Variants in ADAM9 observed in about 807,000 individuals in gnomAD.
The protein encoded by ADAM9 is disintegrin and metalloproteinase domain-containing protein 9.
A neutral mutation model predicts 108.1 loss-of-function variants in ADAM9; 54 were observed. That is an observed-to-expected ratio of 0.50 (90% CI 0.40 to 0.63). The LOEUF (loss-of-function observed/expected upper bound fraction) is 0.63, where lower values mean the gene tolerates loss of function less well. ADAM9 is among the 20% of genes least tolerant of loss of function. The pLI, the probability that ADAM9 is intolerant of heterozygous loss-of-function variation, is 0.00. For missense variants in ADAM9, 830 were observed against 997.7 expected (o/e 0.83, Z 2.26); for synonymous variants, 316 against 336.0 (o/e 0.94, Z 0.65).
chr8:39,081,278 T>G (rs1839017161), intron 16 of ADAM9, among the ~76,000 whole-genome samples: 1 of 152,172 alleles, frequency 6.6e-6, no homozygotes, highest in Non-Finnish European at 1.5e-5. Flanking sequence ...GGTGTATTCC[T>G]TTCAGTTTGA....
At chr8:39,022,025 A>C (rs1222812801) in intron 8 of ADAM9, among the ~76,000 whole-genome samples, 1 of 151,564 alleles carries the variant, frequency 6.6e-6, no homozygotes, top group Non-Finnish European at 1.5e-5. Flanking sequence ...TATTTTGAAT[A>C]AGGCTGCCTT....
chr8:39,051,828 T>G (rs369259476), intron 12 of ADAM9, among the ~76,000 whole-genome samples: 1 of 152,226 alleles, frequency 6.6e-6, no homozygotes, highest in Non-Finnish European at 1.5e-5. Context: ...GGATTTACTA[T>G]GATTTATTTA....
chr8:39,011,188 GA>G (rs1210476650), intron 2 of ADAM9, among the ~76,000 whole-genome samples: 4 of 152,048 alleles, frequency 2.6e-5, no homozygotes, highest in African/African-American at 9.7e-5. Flanking sequence ...TAATGTGAGG[GA>G]AAAAAGCATG....
intron 11 of ADAM9, among the ~76,000 whole-genome samples, chr8:39,036,548 C>T (rs10441608): frequency 0.42 from 63,966 of 151,820 alleles, 14,215 homozygotes; most frequent in East Asian, 0.72. Flanking sequence ...TTGGGAAAAT[C>T]ACCTAGATGT....
intron 3 of ADAM9, 133 bp downstream of exon 3, chr8:39,011,849 T>C: frequency 1.2e-6 from 1 of 833,154 alleles, no homozygotes; most frequent in Non-Finnish European, 2.0e-6. Context: ...ATATTGGTGC[T>C]GCACAGTGGC....
At position 39,083,086 on chromosome 8, in the gene ADAM9, G is replaced by T; in HGVS notation, c.2068+13G>T. 1 of 1,608,360 alleles carries T rather than the reference G, an allele frequency of 6.2e-7. No individual in the cohort carries two copies. The highest frequency in any genetic ancestry group is 1.7e-5 in the Admixed American group (1 of 59,970). On this transcript the variant is annotated intron_variant, in intron 18 of 21. Coordinates refer to ENST00000487273, the MANE Select transcript of ADAM9 (RefSeq NM_003816.3). ...CCTACATACAATGGCAAGTAATATA[G>T]AAGAAAATTAGTGTGATCTCCCAGT... is the stretch of plus-strand genomic sequence containing the variant.
intron 14 of ADAM9, among the ~76,000 whole-genome samples, chr8:39,066,789 C>A (rs1248252998): frequency 6.6e-6 from 1 of 152,122 alleles, no homozygotes; most frequent in African/African-American, 2.4e-5. Context: ...GCTTTTGTTG[C>A]CATTGCTTTT....
At position 39,017,396 on chromosome 8, in the gene ADAM9, C is replaced by A; in HGVS notation, c.588C>A (p.Ser196Arg). The change falls in exon 6 of 22, where the codon AGC becomes AGA. Residue 196 changes from serine (S) to arginine (R), a missense_variant. Transcript: ENST00000487273. ...AGGATGAAGAGGAAGAGCCTCCCAG[C>A]ATGACTCAGCTACTTCGAGTAAGGA... is the stretch of plus-strand genomic sequence containing the variant. ...TAKDEEEEPP[S>R]MTQLLRRRRA... 2 of 1,614,018 alleles carry A rather than the reference C, an allele frequency of 1.2e-6. No homozygotes were observed. Among genetic ancestry groups the A allele is most frequent in the Non-Finnish European group, 1.7e-6 (2 of 1,179,952 alleles).
chr8:39,083,271 T>C (rs1322599757), intron 18 of ADAM9, among the ~76,000 whole-genome samples, 198 bp downstream of exon 18: 1 of 152,220 alleles, frequency 6.6e-6, no homozygotes, highest in Admixed American at 6.5e-5. Flanking sequence ...ACATACATCA[T>C]AGCCTCTTAT....
rs187143292 is a variant in ADAM9, at chr8:39,080,863, C to T, written c.1882-1778C>T. Among the ~76,000 whole-genome samples, 65 of 150,536 alleles carry T rather than the reference C, an allele frequency of 4.3e-4. 2 individuals are homozygous for T. The highest frequency in any genetic ancestry group is 3.7e-3 in the Admixed American group (56 of 15,118). On this transcript the variant is annotated intron_variant, in intron 16 of 21. Coordinates refer to ENST00000487273, the MANE Select transcript of ADAM9 (RefSeq NM_003816.3). ...ATAGTCAAGTTTGCTCTACTTGCTG[C>T]GTGGTGGTTGTTGGTGGTGGCCATG...
chr8:39,087,521 A>G (rs1839213667), intron 18 of ADAM9, among the ~76,000 whole-genome samples: 1 of 152,236 alleles, frequency 6.6e-6, no homozygotes, highest in Non-Finnish European at 1.5e-5. Flanking sequence ...CTCACTGTTA[A>G]CATTGTAGTG....
intron 15 of ADAM9, 39 bp from the exon 16 acceptor site, chr8:39,077,189 G>A (rs753578483): frequency 6.2e-7 from 1 of 1,606,894 alleles, no homozygotes. Flanking sequence ...TATGTATACT[G>A]GATGCATTTT....
chr8:39,062,745 G>A (rs1329095448), intron 14 of ADAM9, among the ~76,000 whole-genome samples: 1 of 152,172 alleles, frequency 6.6e-6, no homozygotes, highest in African/African-American at 2.4e-5. Flanking sequence ...CTTTAGATAA[G>A]AGTGATCACA....
At chr8:39,055,439 G>A in intron 13 of ADAM9, 138 bp from the exon 14 acceptor site, 1 of 835,088 alleles carries the variant, frequency 1.2e-6, no homozygotes, top group East Asian at 2.6e-5. Flanking sequence ...GTTAGCCATT[G>A]TTCATTTTTC....
Position 39,105,042 on chromosome 8 carries a change from T to C in ADAM9, c.*1342T>C. 2.4e-6 allele frequency: 1 copy of C among 410,740 alleles called. No individual in the cohort carries two copies. Among genetic ancestry groups the C allele is most frequent in the Non-Finnish European group, 4.7e-6 (1 of 214,564 alleles). 25.4% of individuals were successfully genotyped at this position (410,740 alleles called of 1,614,324 possible). ...TAGCTTCCTACTCAACTATTTATAA[T>C]CTCATTAATTAAAAAGTTATAATTT... is the stretch of plus-strand genomic sequence containing the variant. On this transcript the variant is annotated 3_prime_UTR_variant, in exon 22 of 22. Transcript: ENST00000487273.
intron 16 of ADAM9, among the ~76,000 whole-genome samples, chr8:39,079,148 C>T (rs1165090889): frequency 6.6e-6 from 1 of 152,202 alleles, no homozygotes; most frequent in East Asian, 1.9e-4. Flanking sequence ...GTTAAACTTA[C>T]CTGTCCAGCC....
rs1554579187 is a variant in ADAM9 at position 39,045,387 on chromosome 8, T to TAC, written c.1302+3270_1302+3271insAC. Among the ~76,000 whole-genome samples the TAC allele has an allele frequency of 1.0e-3, 48 of 46,704 alleles. 13 individuals carry two copies. Among genetic ancestry groups the TAC allele is most frequent in the Admixed American group, 2.8e-3 (14 of 5,036 alleles). The allele number at this position is 46,704 out of a possible 152,430, so 30.6% of individuals were successfully genotyped here. On this transcript the variant is annotated intron_variant, in intron 12 of 21. Transcript: ENST00000487273. ...AGGTGTGTGTACATACACCTATAGG[T>TAC]GTGTGTACACACACCTATATGTGCG... is the stretch of plus-strand genomic sequence containing the variant.
rs79184972 is a variant in ADAM9, at chr8:39,023,324, C to T, written c.913C>T (p.Leu305=). ...RRRHDSAQLV[L]KKGFGGTAGM... ...GAGACATGACAGTGCACAGCTAGTT[C>T]TGTAAGTATTTTTTTTTTAAGTACT... The change falls in exon 9 of 22, where the codon CTA becomes TTA. Residue 305 remains leucine (L), a splice_region_variant and synonymous_variant. Transcript: ENST00000487273. 15 of 1,607,366 alleles carry T rather than the reference C, an allele frequency of 9.3e-6. No homozygotes were observed. The East Asian group carries it at 3.4e-4, about 36-fold the overall frequency.
chr8:39,027,335 T>G (rs1836954441), intron 11 of ADAM9, among the ~76,000 whole-genome samples: 3 of 152,124 alleles, frequency 2.0e-5, no homozygotes, highest in South Asian at 4.1e-4. Flanking sequence ...TTTATAGAGA[T>G]AAAGGTGGGA....
Sources: allele counts gnomAD v4.1 joint callset (sites outside exome capture counted in the v4.1 genomes callset), GRCh38; gene constraint gnomAD v4.1.1; transcripts MANE v1.5; gene names NCBI Gene and HGNC (gene_info 2026-07-23, HGNC 2026-07-21).